UBE2Z: variants seen among roughly 807,000 people sequenced by gnomAD.
The protein encoded by UBE2Z is ubiquitin conjugating enzyme E2 Z.
In UBE2Z, 10 loss-of-function variants were observed where a neutral mutation model predicts 32.6. The ratio of observed to expected loss-of-function variants is 0.31; its 90% CI spans 0.19 to 0.52. The LOEUF (loss-of-function observed/expected upper bound fraction) is 0.52, where lower values mean the gene tolerates loss of function less well. Among genes scored for constraint, UBE2Z ranks in the 20% least tolerant of loss-of-function variants. UBE2Z has a pLI of 0.97. For synonymous variants in UBE2Z, 183 were observed against 190.8 expected, an observed-to-expected ratio of 0.96 and a Z score of 0.34; for missense variants, 343 against 480.9, an observed-to-expected ratio of 0.71 and a Z score of 2.68.
chr17:48,910,896 G>A lies in UBE2Z; in HGVS notation c.390+16G>A. Reference sequence around the variant, plus strand: ...CATGACTAAGGTATGTAACTTGATGGGGGTTTGGGGGGTTTTGGGAAATTG... The same window carrying A: ...CATGACTAAGGTATGTAACTTGATGAGGGTTTGGGGGGTTTTGGGAAATTG... On this transcript the variant is annotated intron_variant, in intron 2 of 6. Transcript: ENST00000360943. 6.2e-7 allele frequency: 1 copy of A among 1,609,064 alleles called. No homozygotes were observed. The highest frequency in any genetic ancestry group is 8.5e-7 in the Non-Finnish European group (1 of 1,175,608).
intron 2 of UBE2Z, chr17:48,912,625 T>G (rs2040688454): frequency 1.8e-6 from 1 of 551,312 alleles, no homozygotes; most frequent in African/African-American, 1.9e-5. Flanking sequence ...GAGTAAGATG[T>G]CATTCCACTG....
intron 6 of UBE2Z, among the ~76,000 whole-genome samples, chr17:48,923,951 A>T (rs985189954): frequency 6.6e-6 from 1 of 152,100 alleles, no homozygotes; most frequent in Non-Finnish European, 1.5e-5. Flanking sequence ...AGGCTAGAGC[A>T]ATCTCAGCTC....
rs1432010852 is a variant in UBE2Z at position 48,922,950 on chromosome 17, C to T, written c.894+13C>T. On this transcript the variant is annotated intron_variant, in intron 6 of 6. Coordinates refer to ENST00000360943, the MANE Select transcript of UBE2Z (RefSeq NM_023079.5). ...CCAAACTATGCAGGTAATACAACCC[C>T]TGCTGCTAATTGCAGAAGCCCTACA... is the stretch of plus-strand genomic sequence containing the variant. The T allele has an allele frequency of 3.1e-6, 5 of 1,603,188 alleles. No homozygotes were observed. Among genetic ancestry groups the T allele is most frequent in the Non-Finnish European group, 4.3e-6 (5 of 1,173,446 alleles).
Position 48,927,295 on chromosome 17 carries a change from G to A in UBE2Z, c.*161G>A. 1.3e-6 allele frequency: 1 copy of A among 762,912 alleles called. No homozygotes were observed. The highest frequency in any genetic ancestry group is 2.1e-6 in the Non-Finnish European group (1 of 483,666). The allele number at this position is 762,912 out of a possible 1,614,324, so 47.3% of individuals were successfully genotyped here. A position where few individuals can be genotyped will look rare whatever the true frequency, so the allele number is the denominator to read the frequency against. The stretch of plus-strand genomic sequence containing the variant: ...CTCCGATCCCAGGGTGTGGGAGTGG[G>A]GGCCTGTTCCCGGTCTGACCTCCTT... On this transcript the variant is annotated 3_prime_UTR_variant, in exon 7 of 7. Coordinates refer to ENST00000360943, the MANE Select transcript of UBE2Z (RefSeq NM_023079.5).
At chr17:48,913,702 A>G (rs535779556) in intron 3 of UBE2Z, among the ~76,000 whole-genome samples, 4 of 152,170 alleles carry the variant, frequency 2.6e-5, no homozygotes, top group South Asian at 4.1e-4. Context: ...TGCATACTGC[A>G]GTTTCAGAAC....
chr17:48,915,953 A>G (rs1320450954), intron 3 of UBE2Z, 123 bp from the exon 4 acceptor site: 4 of 514,322 alleles, frequency 7.8e-6, no homozygotes, highest in Admixed American at 4.7e-5. Flanking sequence ...GGGAAATTCC[A>G]GAGTATTAAT....
Position 48,921,180 on chromosome 17 carries a change from CA to C in UBE2Z, c.716del (p.Asn239ThrfsTer18). On this transcript the variant is annotated frameshift_variant, in exon 5 of 7. Transcript: ENST00000360943. LOFTEE classifies it high-confidence loss of function. ...FEQERHPGDS[K>X]NYNECIRHET... is the part of the protein sequence containing the mutation. Reference sequence around the variant, plus strand: ...TATAGGAGAGACATCCAGGAGACAGCAAAAACTATAATGAATGTATCCGGCA... The same window carrying C: ...TATAGGAGAGACATCCAGGAGACAGCAAAACTATAATGAATGTATCCGGCA... 6.2e-7 allele frequency: 1 copy of C among 1,611,728 alleles called. No homozygotes were observed. Among genetic ancestry groups the C allele is most frequent in the Non-Finnish European group, 8.5e-7 (1 of 1,178,914 alleles).
At chr17:48,918,377 A>C (rs1567778979) in intron 4 of UBE2Z, among the ~76,000 whole-genome samples, 1 of 152,118 alleles carries the variant, frequency 6.6e-6, no homozygotes, top group Non-Finnish European at 1.5e-5. Context: ...TCCATCACTC[A>C]GGCTGGAGTG....
Position 48,908,486 on chromosome 17 carries a change from C to G in UBE2Z, c.-18C>G. ...GTCGGCGGACGTGCTGCCGAGTAGTCCCGGAAGCGAAGCAGCGATGGCGGA... is the reference window on the plus strand; with the variant it reads ...GTCGGCGGACGTGCTGCCGAGTAGTGCCGGAAGCGAAGCAGCGATGGCGGA... On this transcript the variant is annotated 5_prime_UTR_variant, in exon 1 of 7. Transcript: ENST00000360943. 2 of 1,232,578 alleles carry G rather than the reference C, an allele frequency of 1.6e-6. No homozygotes were observed. Among genetic ancestry groups the G allele is most frequent in the South Asian group, 8.2e-5 (2 of 24,524 alleles). The allele number at this position is 1,232,578 out of a possible 1,614,324, so 76.4% of individuals were successfully genotyped here.
intron 5 of UBE2Z, among the ~76,000 whole-genome samples, chr17:48,922,525 T>C (rs1342961308): frequency 2.0e-5 from 3 of 152,054 alleles, no homozygotes; most frequent in Non-Finnish European, 2.9e-5. Flanking sequence ...TCCTAGCACT[T>C]TGGGAGGCCG....
At chr17:48,914,627 T>A (rs997003092) in intron 3 of UBE2Z, among the ~76,000 whole-genome samples, 2 of 152,208 alleles carry the variant, frequency 1.3e-5, no homozygotes, top group Non-Finnish European at 2.9e-5. Context: ...AAAACTCTTT[T>A]GAGATACCAG....
At chr17:48,923,268 C>T (rs914050806) in intron 6 of UBE2Z, among the ~76,000 whole-genome samples, 1 of 142,034 alleles carries the variant, frequency 7.0e-6, no homozygotes, top group Non-Finnish European at 1.5e-5. Context: ...TTGCAGTGAG[C>T]TGAAATTGTG....
chr17:48,913,091 C>T, intron 3 of UBE2Z, 70 bp downstream of exon 3: 2 of 1,478,244 alleles, frequency 1.4e-6, no homozygotes, highest in South Asian at 2.4e-5. Context: ...CCTTTATCAA[C>T]CGGAGTCCCT....
intron 5 of UBE2Z, 49 bp from the exon 6 acceptor site, chr17:48,922,798 G>A: frequency 1.4e-6 from 2 of 1,468,652 alleles, no homozygotes; most frequent in Non-Finnish European, 1.9e-6. Context: ...AGGAAGGGGT[G>A]ACCTGTACCC....
intron 1 of UBE2Z, 55 bp downstream of exon 1, chr17:48,908,875 GCCCCCCACCCTCTCCCACTACAACTCA>G (rs2040650162): frequency 3.4e-6 from 4 of 1,165,820 alleles, no homozygotes; most frequent in Non-Finnish European, 4.3e-6. Flanking sequence ...GACCTTCCCC[GCCCCCCACCCTCTCCCACTACAACTCA>G]CCCCCCACCC....
At chr17:48,911,161 T>A in intron 2 of UBE2Z, 1 of 428,652 alleles carries the variant, frequency 2.3e-6, no homozygotes, top group South Asian at 3.1e-5. Flanking sequence ...TCTTTCACTC[T>A]CAAAAATGCT....
chr17:48,923,301 A>G (rs2040775680), intron 6 of UBE2Z, among the ~76,000 whole-genome samples: 1 of 138,652 alleles, frequency 7.2e-6, no homozygotes, highest in Non-Finnish European at 1.5e-5. Flanking sequence ...AGCCTGGACA[A>G]CAGACCGAGA....
chr17:48,924,839 CT>C, intron 6 of UBE2Z, among the ~76,000 whole-genome samples: 2 of 68,744 alleles, frequency 2.9e-5, no homozygotes, highest in South Asian at 1.3e-3. Flanking sequence ...GAACAAGATT[CT>C]GTCTCAAAAA....
At chr17:48,910,643 A>G in intron 1 of UBE2Z, 165 bp from the exon 2 acceptor site, 3 of 584,580 alleles carry the variant, frequency 5.1e-6, no homozygotes, top group Non-Finnish European at 9.4e-6. Flanking sequence ...ACAAGTACTC[A>G]GCTGAGATTT....
Sources: allele counts gnomAD v4.1 joint callset (sites outside exome capture counted in the v4.1 genomes callset), GRCh38; gene constraint gnomAD v4.1.1; transcripts MANE v1.5; gene names NCBI Gene and HGNC (gene_info 2026-07-23, HGNC 2026-07-21).